PTPRD: variants seen among roughly 807,000 people sequenced by gnomAD.
PTPRD encodes protein tyrosine phosphatase receptor type D.
A neutral mutation model predicts 214.5 loss-of-function variants in PTPRD; 34 were observed. That is an observed-to-expected ratio of 0.16 (90% CI 0.12 to 0.21). PTPRD has a LOEUF of 0.21. PTPRD is among the 10% of genes least tolerant of loss of function. The pLI is 1.00. For missense variants in PTPRD, 2,545 were observed against 2,398.7 expected (o/e 1.06, Z -1.27); for synonymous variants, 1,128 against 845.7 (o/e 1.33, Z -5.79).
At chr9:9,471,062 G>C (rs1477102833) in intron 8 of PTPRD, among the ~76,000 whole-genome samples, 1 of 152,156 alleles carries the variant, frequency 6.6e-6, no homozygotes, top group Admixed American at 6.5e-5. Context: ...GGGTCTAACA[G>C]AACTGATAAA....
intron 2 of PTPRD, among the ~76,000 whole-genome samples, chr9:10,559,768 CAAAAG>C (rs1408162464): frequency 6.6e-6 from 1 of 152,058 alleles, no homozygotes; most frequent in Non-Finnish European, 1.5e-5. Flanking sequence ...AGACACTTCT[CAAAAG>C]AAGACATTTA....
intron 2 of PTPRD, among the ~76,000 whole-genome samples, chr9:10,550,505 A>C (rs1319691058): frequency 1.3e-5 from 2 of 152,292 alleles, no homozygotes; most frequent in Non-Finnish European, 2.9e-5. Context: ...AGGCAAATGG[A>C]AATCAATCTT....
chr9:8,512,129 T>C (rs1177380963), intron 21 of PTPRD, among the ~76,000 whole-genome samples: 1 of 152,106 alleles, frequency 6.6e-6, no homozygotes, highest in East Asian at 1.9e-4. Context: ...TATCCAGTAT[T>C]TTATTAAGGT....
intron 35 of PTPRD, among the ~76,000 whole-genome samples, chr9:8,412,603 G>A (rs543390942): frequency 1.3e-5 from 2 of 152,144 alleles, no homozygotes; most frequent in African/African-American, 2.4e-5. Flanking sequence ...AAGAATGCTA[G>A]ATGTTTTGCC....
chr9:10,180,361 C>G (rs531917753), intron 3 of PTPRD, among the ~76,000 whole-genome samples: 74 of 152,076 alleles, frequency 4.9e-4, no homozygotes, highest in Non-Finnish European at 9.4e-4. Context: ...AACTTCCTCC[C>G]TTTCATCACT....
intron 8 of PTPRD, among the ~76,000 whole-genome samples, chr9:9,402,993 CA>C (rs1420192620): frequency 5.6e-5 from 4 of 71,998 alleles, no homozygotes; most frequent in Non-Finnish European, 1.2e-4. Context: ...AAAAAAACAC[CA>C]AAAAAAAATG....
At chr9:9,133,030 A>T (rs2099845216) in intron 10 of PTPRD, among the ~76,000 whole-genome samples, 1 of 152,192 alleles carries the variant, frequency 6.6e-6, no homozygotes, top group African/African-American at 2.4e-5. Flanking sequence ...TAGTGATTTC[A>T]ATAGAAGATA....
At chr9:10,589,342 T>C (rs943144257) in intron 2 of PTPRD, among the ~76,000 whole-genome samples, 1 of 151,950 alleles carries the variant, frequency 6.6e-6, no homozygotes, top group Admixed American at 6.6e-5. Context: ...AAAGTTTTAG[T>C]CACAGGGAAA....
intron 8 of PTPRD, among the ~76,000 whole-genome samples, chr9:9,439,406 A>T (rs1264450586): frequency 6.6e-6 from 1 of 152,168 alleles, no homozygotes; most frequent in Non-Finnish European, 1.5e-5. Context: ...CTAACAATTT[A>T]TCAGGTAGGA....
chr9:10,150,573 A>C (rs1388688657), intron 3 of PTPRD, among the ~76,000 whole-genome samples: 2 of 152,096 alleles, frequency 1.3e-5, no homozygotes, highest in African/African-American at 4.8e-5. Context: ...TGACCAGTTA[A>C]TGTGCAGCAC....
At chr9:9,028,012 T>C (rs2099592900) in intron 10 of PTPRD, among the ~76,000 whole-genome samples, 1 of 151,896 alleles carries the variant, frequency 6.6e-6, no homozygotes, top group Non-Finnish European at 1.5e-5. Flanking sequence ...TGAAATCTCA[T>C]CAAGGGCTCC....
At chr9:8,444,486 T>A (rs1010321154) in intron 34 of PTPRD, among the ~76,000 whole-genome samples, 57 of 152,196 alleles carry the variant, frequency 3.7e-4, no homozygotes, top group African/African-American at 1.3e-3. Context: ...TCTGGAGACT[T>A]AATTGGAGTA....
intron 11 of PTPRD, among the ~76,000 whole-genome samples, chr9:8,923,072 C>T (rs1384417801): frequency 1.3e-5 from 2 of 150,520 alleles, no homozygotes; most frequent in Non-Finnish European, 2.9e-5. Flanking sequence ...GACTGAGTCT[C>T]GCTCTGTCAT....
At chr9:9,656,090 C>T (rs1026456992) in intron 7 of PTPRD, among the ~76,000 whole-genome samples, 28 of 152,152 alleles carry the variant, frequency 1.8e-4, no homozygotes, top group African/African-American at 6.3e-4. Context: ...CGATCTATTC[C>T]CATGGGGAAA....
chr9:8,368,328 A>C (rs769333477), intron 39 of PTPRD, among the ~76,000 whole-genome samples: 2 of 152,136 alleles, frequency 1.3e-5, no homozygotes, highest in African/African-American at 2.4e-5. Flanking sequence ...CATAAACATC[A>C]AATAAAATAA....
chr9:8,616,215 T>A (rs79984430), intron 14 of PTPRD, among the ~76,000 whole-genome samples: 3 of 151,962 alleles, frequency 2.0e-5, no homozygotes, highest in Non-Finnish European at 2.9e-5. Context: ...ACAAATCAAT[T>A]GAAGTGCAAC....
chr9:10,569,892 C>T (rs2066879969), intron 2 of PTPRD, among the ~76,000 whole-genome samples: 1 of 151,982 alleles, frequency 6.6e-6, no homozygotes, highest in African/African-American at 2.4e-5. Flanking sequence ...TGCAAAGTGA[C>T]ACAGTAGTTC....
intron 2 of PTPRD, among the ~76,000 whole-genome samples, chr9:10,428,751 T>C (rs1431732861): frequency 1.3e-5 from 2 of 152,100 alleles, no homozygotes; most frequent in East Asian, 3.9e-4. Flanking sequence ...TGGTCTAAAC[T>C]TTTGGAATAA....
At chr9:9,280,214 T>C (rs1947175816) in intron 9 of PTPRD, among the ~76,000 whole-genome samples, 1 of 151,224 alleles carries the variant, frequency 6.6e-6, no homozygotes, top group Non-Finnish European at 1.5e-5. Flanking sequence ...AAGTGGAGAA[T>C]CCATATTGTG....
Sources: gnomAD v4.1 joint callset for allele counts (sites outside exome capture counted in the v4.1 genomes callset) on GRCh38, gnomAD v4.1.1 for gene constraint, MANE v1.5 for transcripts, NCBI Gene and HGNC (gene_info 2026-07-23, HGNC 2026-07-21) for gene names.